PAM: variants seen among roughly 807,000 people sequenced by gnomAD.
The protein encoded by PAM is peptidylglycine alpha-amidating monooxygenase.
PAM carries 72 observed loss-of-function variants against 122.1 expected under a neutral mutation model. The observed-to-expected ratio is 0.59, with a 90% CI of 0.49 to 0.72. The LOEUF is 0.72. Ranked by LOEUF, PAM falls within the 30% of genes least tolerant of loss-of-function variation. The pLI is 0.00. For missense variants in PAM, 1,106 were observed against 1,183.7 expected (o/e 0.93, Z 0.96); for synonymous variants, 389 against 404.4 (o/e 0.96, Z 0.46).
chr5:102,965,164 C>A (rs1763693535), intron 14 of PAM, among the ~76,000 whole-genome samples: 3 of 140,306 alleles, frequency 2.1e-5, no homozygotes, highest in African/African-American at 8.1e-5. Flanking sequence ...CCAAAGCAGA[C>A]ACACACACAC....
intron 14 of PAM, among the ~76,000 whole-genome samples, chr5:102,968,210 A>C (rs1764698895): frequency 6.6e-6 from 1 of 152,180 alleles, no homozygotes; most frequent in Non-Finnish European, 1.5e-5. Flanking sequence ...AAAAACAATT[A>C]AGTTTTTTAT....
intron 3 of PAM, among the ~76,000 whole-genome samples, chr5:102,896,773 AATAGTG>A (rs1796334166): frequency 6.6e-6 from 1 of 151,726 alleles, no homozygotes; most frequent in Admixed American, 6.6e-5. Context: ...GACTACATAT[AATAGTG>A]ATAGTTTAAG....
At position 102,812,285 on chromosome 5, in the gene PAM, T is replaced by G. The variant is rs995867760; in HGVS notation, c.-373-53538T>G. ...TTCTTTTATTGTTCACATCCTGTGTTAATCATACATTTAAGCCAAATGATA... is the reference window on the plus strand; with the variant it reads ...TTCTTTTATTGTTCACATCCTGTGTGAATCATACATTTAAGCCAAATGATA... On this transcript the variant is annotated intron_variant, in intron 1 of 25. Transcript: ENST00000438793. Among the ~76,000 whole-genome samples, 2 of 152,152 alleles carry G rather than the reference T, an allele frequency of 1.3e-5. 1 individual carries two copies. Among genetic ancestry groups the G allele is most frequent in the South Asian group, 4.1e-4 (2 of 4,828 alleles).
chr5:102,820,039 A>G (rs1771266547), intron 1 of PAM, among the ~76,000 whole-genome samples: 1 of 152,240 alleles, frequency 6.6e-6, no homozygotes, highest in Non-Finnish European at 1.5e-5. Flanking sequence ...ATATATTTTT[A>G]TCACTGTTGG....
intron 1 of PAM, among the ~76,000 whole-genome samples, chr5:102,827,992 C>T (rs1394648159): frequency 6.6e-6 from 1 of 152,080 alleles, no homozygotes; most frequent in African/African-American, 2.4e-5. Flanking sequence ...TAGTATAAAG[C>T]TGATATTTAT....
intron 1 of PAM, among the ~76,000 whole-genome samples, chr5:102,779,416 A>G (rs1422378855): frequency 1.3e-5 from 2 of 152,094 alleles, no homozygotes; most frequent in African/African-American, 4.8e-5. Context: ...GAATAACAGT[A>G]TGTGTGACAG....
At chr5:102,844,582 C>G (rs1779497604) in intron 1 of PAM, among the ~76,000 whole-genome samples, 1 of 152,038 alleles carries the variant, frequency 6.6e-6, no homozygotes, top group Non-Finnish European at 1.5e-5. Context: ...GTCAGAGGAT[C>G]CTTGAGCCCA....
chr5:102,841,319 A>C (rs947334276), intron 1 of PAM, among the ~76,000 whole-genome samples: 3 of 152,004 alleles, frequency 2.0e-5, no homozygotes, highest in South Asian at 4.2e-4. Flanking sequence ...ACTTAGAGTA[A>C]TAGCATCCTG....
chr5:102,782,739 G>C (rs953544719), intron 1 of PAM, among the ~76,000 whole-genome samples: 10 of 151,412 alleles, frequency 6.6e-5, no homozygotes, highest in East Asian at 3.9e-4. Flanking sequence ...GTGTGTGTGT[G>C]TGTGTGTGTG....
intron 1 of PAM, among the ~76,000 whole-genome samples, chr5:102,848,974 A>C (rs1263212051): frequency 6.6e-6 from 1 of 152,220 alleles, no homozygotes; most frequent in Non-Finnish European, 1.5e-5. Flanking sequence ...GGGCACATCA[A>C]TAAAAGTTCA....
At position 102,867,341 on chromosome 5, in the gene PAM, A is replaced by C; in HGVS notation, c.158A>C (p.Asp53Ala). The C allele has an allele frequency of 6.2e-7, 1 of 1,606,656 alleles. No homozygotes were observed. Reference protein sequence around the residue: ...LGTTRPVVPIDSSDFALDIRM... With the variant: ...LGTTRPVVPIASSDFALDIRM... ...ACCACCAGACCCGTAGTTCCTATTGATTCATCAGATTTTGCATTGGATATT... is the reference window on the plus strand; with the variant it reads ...ACCACCAGACCCGTAGTTCCTATTGCTTCATCAGATTTTGCATTGGATATT... Residue 53 changes from aspartate (D) to alanine (A), a missense_variant, in exon 3 of 26, where the codon GAT becomes GCT. Coordinates refer to ENST00000438793, the MANE Select transcript of PAM (RefSeq NM_001177306.2).
In PAM at chr5:102,904,747, A is replaced by G. The variant is rs1424760597; in HGVS notation, c.268+3334A>G. On this transcript the variant is annotated intron_variant, in intron 4 of 25. Coordinates refer to ENST00000438793, the MANE Select transcript of PAM (RefSeq NM_001177306.2). ...TTTCTGAAGAAAATTACAAAAGACA[A>G]TACAATTTACATTATTAATACTAGG... Among the ~76,000 whole-genome samples the G allele has an allele frequency of 2.6e-5, 4 of 151,774 alleles. 1 individual carries two copies. Among genetic ancestry groups the G allele is most frequent in the Middle Eastern group, 6.8e-3 (2 of 294 alleles).
chr5:102,889,331 C>T (rs1458908279), intron 3 of PAM, among the ~76,000 whole-genome samples: 1 of 151,890 alleles, frequency 6.6e-6, no homozygotes, highest in Non-Finnish European at 1.5e-5. Context: ...AGCAGGTTGG[C>T]AGTAACTGGG....
At chr5:102,967,169 T>G (rs1006464058) in intron 14 of PAM, among the ~76,000 whole-genome samples, 2 of 152,156 alleles carry the variant, frequency 1.3e-5, no homozygotes, top group African/African-American at 4.8e-5. Context: ...TAGAAAAATG[T>G]CCATTGATCC....
chr5:102,965,162 G>GACACACACACACACAC (rs66633444), intron 14 of PAM, among the ~76,000 whole-genome samples: 78 of 138,810 alleles, frequency 5.6e-4, no homozygotes, highest in African/African-American at 2.0e-3. Flanking sequence ...TTCCAAAGCA[G>GACACACACACACACAC]ACACACACAC....
At chr5:102,807,226 T>G (rs1157621283) in intron 1 of PAM, among the ~76,000 whole-genome samples, 1 of 152,218 alleles carries the variant, frequency 6.6e-6, no homozygotes, top group Non-Finnish European at 1.5e-5. Flanking sequence ...TGATAAATTA[T>G]ATACTTATTA....
chr5:102,849,791 T>TAAATCG (rs1780918971), intron 1 of PAM, among the ~76,000 whole-genome samples: 1 of 152,136 alleles, frequency 6.6e-6, no homozygotes, highest in Admixed American at 6.5e-5. Flanking sequence ...GTGAAATTGA[T>TAAATCG]AAATTAGAAT....
chr5:102,825,550 G>A (rs895227936), intron 1 of PAM, among the ~76,000 whole-genome samples: 1 of 152,200 alleles, frequency 6.6e-6, no homozygotes, highest in African/African-American at 2.4e-5. Flanking sequence ...CGGGCCTGGA[G>A]TTCAAGCTCC....
chr5:102,974,240 A>C lies in PAM; in HGVS notation c.1287A>C (p.Val429=). 6.2e-7 allele frequency: 1 copy of C among 1,614,026 alleles called. No homozygotes were observed. The highest frequency in any genetic ancestry group is 8.5e-7 in the Non-Finnish European group (1 of 1,179,906). ...ACCTGGTAGCTGAGATTGCAAATGTAGTCCAAAAAAAGGATCTTGGTCGAT... is the reference window on the plus strand; with the variant it reads ...ACCTGGTAGCTGAGATTGCAAATGTCGTCCAAAAAAAGGATCTTGGTCGAT... ...ESDLVAEIAN[V]VQKKDLGRSD... Residue 429 remains valine, a synonymous_variant, in exon 15 of 26, where the codon GTA becomes GTC. Transcript: ENST00000438793.
Sources: allele counts gnomAD v4.1 joint callset (sites outside exome capture counted in the v4.1 genomes callset), GRCh38; gene constraint gnomAD v4.1.1; transcripts MANE v1.5; gene names NCBI Gene and HGNC (gene_info 2026-07-23, HGNC 2026-07-21).